Variants in SUGCT observed in about 807,000 individuals in gnomAD.
SUGCT encodes succinyl-CoA:glutarate-CoA transferase.
SUGCT carries 41 observed loss-of-function variants against 55.0 expected under a neutral mutation model. That is an observed-to-expected ratio of 0.74 (90% CI 0.58 to 0.97). The LOEUF is 0.97. Ranked by LOEUF, SUGCT falls within the 50% of genes least tolerant of loss-of-function variation. SUGCT has a pLI of 0.00. For missense variants in SUGCT, 568 were observed against 547.8 expected (o/e 1.04, Z -0.37); for synonymous variants, 187 against 200.4 (o/e 0.93, Z 0.56).
chr7:40,914,523 C>CA, the SUGCT span, among the ~76,000 whole-genome samples: 8 of 151,998 alleles, frequency 5.3e-5, no homozygotes, highest in African/African-American at 1.4e-4. Context: ...AAAACTTTAC[C>CA]ACGGATAAGA....
chr7:40,720,369 G>C (rs975989889), intron 12 of SUGCT, among the ~76,000 whole-genome samples: 10 of 152,182 alleles, frequency 6.6e-5, no homozygotes, highest in Admixed American at 6.5e-4. Flanking sequence ...TTACATAATG[G>C]AACAATTTTA....
chr7:40,931,543 G>C, the SUGCT span, among the ~76,000 whole-genome samples: 2 of 152,196 alleles, frequency 1.3e-5, no homozygotes, highest in African/African-American at 4.8e-5. Context: ...CTGTAAATCT[G>C]TCTGGTCCTG....
chr7:40,486,628 C>T (rs1791365720), intron 11 of SUGCT, among the ~76,000 whole-genome samples: 1 of 151,484 alleles, frequency 6.6e-6, no homozygotes, highest in Non-Finnish European at 1.5e-5. Context: ...CCTCTTAGTA[C>T]TGCTTTTGCT....
At chr7:40,281,149 T>G (rs189411945) in intron 8 of SUGCT, among the ~76,000 whole-genome samples, 62 of 152,372 alleles carry the variant, frequency 4.1e-4, no homozygotes, top group African/African-American at 1.4e-3. Flanking sequence ...AACATTTTTG[T>G]GTACCCCTAA....
intron 8 of SUGCT, among the ~76,000 whole-genome samples, chr7:40,306,407 T>C (rs914271927): frequency 3.3e-5 from 5 of 152,236 alleles, no homozygotes. Flanking sequence ...TATTCTGAAT[T>C]ATAAATAATA....
At chr7:41,026,238 T>C in the SUGCT span, among the ~76,000 whole-genome samples, 6 of 152,134 alleles carry the variant, frequency 3.9e-5, no homozygotes, top group African/African-American at 1.4e-4. Context: ...GTCCTACTCC[T>C]GGCAACCACC....
At position 40,723,999 on chromosome 7, in the gene SUGCT, A is replaced by G. The variant is rs570016526; in HGVS notation, c.1090-25435A>G. 2.6e-5 allele frequency among the ~76,000 whole-genome samples: 4 copies of G among 152,336 alleles called. No homozygotes were observed. In the East Asian group the frequency reaches 5.8e-4, roughly 22 times the overall value. Reference sequence around the variant, plus strand: ...AGTTTATAAGAAACACATGTGAAACAGAGCAATACAATTAAGATCAGAAAA... The same window carrying G: ...AGTTTATAAGAAACACATGTGAAACGGAGCAATACAATTAAGATCAGAAAA... On this transcript the variant is annotated intron_variant, in intron 12 of 13. Coordinates refer to ENST00000335693, the MANE Select transcript of SUGCT (RefSeq NM_001193313.2).
intron 12 of SUGCT, among the ~76,000 whole-genome samples, chr7:40,718,311 C>T (rs534335680): frequency 8.5e-4 from 130 of 152,254 alleles, no homozygotes; most frequent in African/African-American, 2.7e-3. Flanking sequence ...AGAAGAAACC[C>T]GGGACTTAAA....
intron 11 of SUGCT, among the ~76,000 whole-genome samples, chr7:40,460,178 T>G (rs980552469): frequency 7.2e-5 from 11 of 152,238 alleles, no homozygotes; most frequent in African/African-American, 2.7e-4. Flanking sequence ...GAATCAACAT[T>G]CATCTATCTA....
At chr7:40,729,474 C>T (rs1189716721) in intron 12 of SUGCT, among the ~76,000 whole-genome samples, 5 of 152,122 alleles carry the variant, frequency 3.3e-5, no homozygotes. Flanking sequence ...TTGCAGGACA[C>T]ATGTTTGCAA....
chr7:40,994,053 G>T, the SUGCT span, among the ~76,000 whole-genome samples: 1 of 152,148 alleles, frequency 6.6e-6, no homozygotes, highest in Admixed American at 6.5e-5. Flanking sequence ...AAGTATATCT[G>T]AGGAAGGGGC....
At chr7:41,009,925 C>G in the SUGCT span, among the ~76,000 whole-genome samples, 3 of 152,192 alleles carry the variant, frequency 2.0e-5, no homozygotes, top group African/African-American at 7.2e-5. Flanking sequence ...CATGACTGGC[C>G]TCACAAAGAA....
chr7:40,227,347 G>T (rs1218248092), intron 6 of SUGCT, among the ~76,000 whole-genome samples: 1 of 152,050 alleles, frequency 6.6e-6, no homozygotes, highest in African/African-American at 2.4e-5. Context: ...ACCACACCTG[G>T]CCAGTATAAT....
chr7:40,770,157 CTG>C (rs935877157), intron 13 of SUGCT, among the ~76,000 whole-genome samples: 1 of 152,082 alleles, frequency 6.6e-6, no homozygotes, highest in African/African-American at 2.4e-5. Context: ...TGTTTTGTCT[CTG>C]TTATTTTGCA....
chr7:40,916,015 A>G, the SUGCT span, among the ~76,000 whole-genome samples: 7,797 of 151,880 alleles, frequency 0.051, 300 homozygotes, highest in South Asian at 0.17. Context: ...CTGAGTGAGT[A>G]TATTATATAT....
intron 1 of SUGCT, among the ~76,000 whole-genome samples, chr7:40,176,409 T>G (rs1473328817): frequency 6.6e-6 from 1 of 152,224 alleles, no homozygotes; most frequent in East Asian, 1.9e-4. Flanking sequence ...GATACTTCAC[T>G]CTTGTTCACA....
At chr7:40,975,749 T>G in the SUGCT span, among the ~76,000 whole-genome samples, 1 of 152,210 alleles carries the variant, frequency 6.6e-6, no homozygotes, top group East Asian at 1.9e-4. Context: ...ATTGCCATCC[T>G]TAGATGCAAG....
chr7:40,867,955 T>C, the SUGCT span, among the ~76,000 whole-genome samples: 3 of 152,202 alleles, frequency 2.0e-5, no homozygotes, highest in Non-Finnish European at 4.4e-5. Flanking sequence ...TAGCGCCTAC[T>C]CTATAGGAGA....
intron 9 of SUGCT, among the ~76,000 whole-genome samples, chr7:40,441,767 A>G (rs1161231504): frequency 6.6e-6 from 1 of 152,152 alleles, no homozygotes; most frequent in Non-Finnish European, 1.5e-5. Context: ...GTTTGGAAGT[A>G]TGGGAGACAT....
Sources: allele counts gnomAD v4.1 joint callset (sites outside exome capture counted in the v4.1 genomes callset), GRCh38; gene constraint gnomAD v4.1.1; transcripts MANE v1.5; gene names NCBI Gene and HGNC (gene_info 2026-07-23, HGNC 2026-07-21).